SLC17A4: variants seen among roughly 807,000 people sequenced by gnomAD.
SLC17A4 encodes the protein solute carrier family 17 member 4, also known as probable small intestine urate exporter.
Under a neutral mutation model 52.5 loss-of-function variants are expected in SLC17A4, and 33 were observed. The observed-to-expected ratio is 0.63, with a 90% CI of 0.48 to 0.84. SLC17A4 has a LOEUF of 0.84. SLC17A4 is among the 40% of genes least tolerant of loss of function. The pLI is 0.00. For missense variants in SLC17A4, 585 were observed against 597.1 expected, an observed-to-expected ratio of 0.98 and a Z score of 0.21; for synonymous variants, 225 against 216.2, an observed-to-expected ratio of 1.04 and a Z score of -0.36.
At chr6:25,772,234 T>A (rs572141284) in intron 6 of SLC17A4, among the ~76,000 whole-genome samples, 1 of 152,276 alleles carries the variant, frequency 6.6e-6, no homozygotes, top group South Asian at 2.1e-4. Context: ...CAAGAAACAG[T>A]AAGGAGCATA....
intron 2 of SLC17A4, among the ~76,000 whole-genome samples, chr6:25,765,907 G>T (rs1242936433): frequency 6.6e-6 from 1 of 151,938 alleles, no homozygotes; most frequent in African/African-American, 2.4e-5. Flanking sequence ...TAAAAATGAT[G>T]CTACTCAAGG....
At chr6:25,765,650 A>T (rs1180382314) in intron 2 of SLC17A4, among the ~76,000 whole-genome samples, 2 of 152,178 alleles carry the variant, frequency 1.3e-5, no homozygotes, top group Non-Finnish European at 2.9e-5. Flanking sequence ...ACTAAGGAGG[A>T]AAAAAATGTC....
rs192823175 is a variant in SLC17A4 at position 25,781,120 on chromosome 6, G to A, written c.*1932G>A. ...AAAGTGGCATAAGAAAAGGAAGCTT[G>A]GGAATAAGCCTTAAAGAATTCCAGT... On this transcript the variant is annotated 3_prime_UTR_variant, in exon 12 of 12. Coordinates refer to ENST00000377905, the MANE Select transcript of SLC17A4 (RefSeq NM_005495.3). 18 of 151,932 alleles carry A rather than the reference G, an allele frequency of 1.2e-4. No homozygotes were observed. In the East Asian group the frequency reaches 3.5e-3, roughly 29 times the overall value. The allele number at this position is 151,932 out of a possible 1,614,324, so 9.4% of individuals were successfully genotyped here. A position where few individuals can be genotyped will look rare whatever the true frequency, so the allele number is the denominator to read the frequency against.
chr6:25,767,505 C>T (rs2151435550), intron 2 of SLC17A4, among the ~76,000 whole-genome samples: 1 of 152,198 alleles, frequency 6.6e-6, no homozygotes, highest in South Asian at 2.1e-4. Context: ...GAATACACAG[C>T]TATAAGTAGA....
At chr6:25,777,665 G>T in intron 10 of SLC17A4, 1 of 343,826 alleles carries the variant, frequency 2.9e-6, no homozygotes, top group Non-Finnish European at 5.3e-6. Flanking sequence ...AAACAATGTT[G>T]ACAAGTTAAT....
In SLC17A4 at chr6:25,780,022, G is replaced by T. The variant is rs1287952216; in HGVS notation, c.*834G>T. 1 of 152,170 alleles carries T rather than the reference G, an allele frequency of 6.6e-6. No homozygotes were observed. Among genetic ancestry groups the T allele is most frequent in the Non-Finnish European group, 1.5e-5 (1 of 68,028 alleles). The allele number at this position is 152,170 out of a possible 1,614,324, so 9.4% of individuals were successfully genotyped here. A position where few individuals can be genotyped will look rare whatever the true frequency, so the allele number is the denominator to read the frequency against. ...ACCATTCAGTAGGATTCAATTCAAT[G>T]TGGAACCATTCAACATTCACCTCAT... is the stretch of plus-strand genomic sequence containing the variant. On this transcript the variant is annotated 3_prime_UTR_variant, in exon 12 of 12. Transcript: ENST00000377905.
rs762377345 is a variant in SLC17A4, at chr6:25,761,919, T to C, written c.-36-8T>C. ...CCTGTATTTTCTTTTGTATTCTTTTTATTTCAGTAAGTAAATGCCAGTCCC... is the reference window on the plus strand; with the variant it reads ...CCTGTATTTTCTTTTGTATTCTTTTCATTTCAGTAAGTAAATGCCAGTCCC... On this transcript the variant is annotated splice_region_variant and splice_polypyrimidine_tract_variant and intron_variant, in intron 1 of 11. Transcript: ENST00000377905. 3 of 1,501,508 alleles carry C rather than the reference T, an allele frequency of 2.0e-6. No individual in the cohort carries two copies. The highest frequency in any genetic ancestry group is 2.8e-6 in the Non-Finnish European group (3 of 1,084,284). 93.0% of individuals were successfully genotyped at this position (1,501,508 alleles called of 1,614,324 possible).
chr6:25,777,732 T>C (rs372716981), intron 10 of SLC17A4, 194 bp from the exon 11 acceptor site: 2 of 556,636 alleles, frequency 3.6e-6, no homozygotes, highest in Non-Finnish European at 6.4e-6. Context: ...TAATCATTGG[T>C]CAGTACATTT....
chr6:25,777,269 A>T (rs3949215), intron 10 of SLC17A4: 264,285 of 289,088 alleles, frequency 0.91, 121,147 homozygotes, highest in East Asian at 0.99. Context: ...ACTGAAAGAA[A>T]TCTTGAGATT....
intron 1 of SLC17A4, among the ~76,000 whole-genome samples, chr6:25,758,545 C>A (rs1030336836): frequency 1.3e-5 from 2 of 152,134 alleles, no homozygotes; most frequent in Admixed American, 1.3e-4. Flanking sequence ...AGGAATTTAT[C>A]CATCTCCTCT....
Position 25,779,009 on chromosome 6 carries a change from C to T in SLC17A4, c.1360-45C>T, listed in dbSNP as rs1161720397. 3 of 1,606,376 alleles carry T rather than the reference C, an allele frequency of 1.9e-6. No individual in the cohort carries two copies. In the Admixed American group the frequency reaches 5.0e-5, roughly 27 times the overall value. ...CAAAGCCTTTCTGAACCAAGAGGGA[C>T]AGGAATTGGGTGACCGTTAATAACT... On this transcript the variant is annotated intron_variant, in intron 11 of 11. Transcript: ENST00000377905.
In SLC17A4 at chr6:25,768,903, C is replaced by G. The variant is rs1167092414; in HGVS notation, c.92-82C>G. On this transcript the variant is annotated intron_variant, in intron 2 of 11. Coordinates refer to ENST00000377905, the MANE Select transcript of SLC17A4 (RefSeq NM_005495.3). ...TATATTTCTGCATCTCAGACAGATA[C>G]CAATCTTCTCCTTCTTCCAGACTTA... 4.8e-6 allele frequency: 6 copies of G among 1,259,220 alleles called. No homozygotes were observed. The Admixed American group carries it at 7.2e-5, about 15-fold the overall frequency. The allele number at this position is 1,259,220 out of a possible 1,614,324, so 78.0% of individuals were successfully genotyped here. A position where few individuals can be genotyped will look rare whatever the true frequency, so the allele number is the denominator to read the frequency against.
rs1255561250 is a variant in SLC17A4 at position 25,779,251 on chromosome 6, T to C, written c.*63T>C. On this transcript the variant is annotated 3_prime_UTR_variant, in exon 12 of 12. Coordinates refer to ENST00000377905, the MANE Select transcript of SLC17A4 (RefSeq NM_005495.3). ...CATCATTGTTTTCCCTCACAGACAT[T>C]TCTCTTTCATGCCTGCTTGACTGAT... The C allele has an allele frequency of 1.3e-6, 2 of 1,595,582 alleles. No homozygotes were observed. Among genetic ancestry groups the C allele is most frequent in the Non-Finnish European group, 1.7e-6 (2 of 1,168,420 alleles).
At position 25,768,649 on chromosome 6, in the gene SLC17A4, C is replaced by T. The variant is rs144221338; in HGVS notation, c.92-336C>T. Among the ~76,000 whole-genome samples the T allele has an allele frequency of 4.1e-3, 618 of 152,244 alleles. 1 individual carries two copies. Among genetic ancestry groups the T allele is most frequent in the Non-Finnish European group, 5.4e-3 (368 of 68,020 alleles). On this transcript the variant is annotated intron_variant, in intron 2 of 11. Transcript: ENST00000377905. The stretch of plus-strand genomic sequence containing the variant: ...CTCTCTCTCACTGTCCATACCCAAT[C>T]GGTCACTGCTCCCAGCCAATTCTTT...
chr6:25,770,138 G>A lies in SLC17A4; in HGVS notation c.369G>A (p.Leu123=). 1 of 1,613,936 alleles carries A rather than the reference G, an allele frequency of 6.2e-7. No homozygotes were observed. Residue 123 remains leucine (L), a synonymous_variant, in exon 4 of 12, where the codon TTG becomes TTA. Coordinates refer to ENST00000377905, the MANE Select transcript of SLC17A4 (RefSeq NM_005495.3). ...GCTCCCTCAACTATGGCTCATTCTTGGCTCCAATCCCCAGTGGCTATGTGG... is the reference window on the plus strand; with the variant it reads ...GCTCCCTCAACTATGGCTCATTCTTAGCTCCAATCCCCAGTGGCTATGTGG... ...ILSSLNYGSF[L]APIPSGYVAG...
chr6:25,764,182 C>T (rs1479595749), intron 2 of SLC17A4, among the ~76,000 whole-genome samples: 1 of 152,154 alleles, frequency 6.6e-6, no homozygotes, highest in East Asian at 1.9e-4. Context: ...TTGAGTTCGG[C>T]CTGCCACCTT....
chr6:25,759,075 G>A (rs1761295289), intron 1 of SLC17A4, among the ~76,000 whole-genome samples: 1 of 152,098 alleles, frequency 6.6e-6, no homozygotes, highest in East Asian at 1.9e-4. Context: ...TTTAGGAGCA[G>A]CTTATTTAAT....
At position 25,780,446 on chromosome 6, in the gene SLC17A4, A is replaced by G. The variant is rs996715198; in HGVS notation, c.*1258A>G. 1 of 152,254 alleles carries G rather than the reference A, an allele frequency of 6.6e-6. No homozygotes were observed. Among genetic ancestry groups the G allele is most frequent in the Non-Finnish European group, 1.5e-5 (1 of 68,056 alleles). 9.4% of individuals were successfully genotyped at this position (152,254 alleles called of 1,614,324 possible). On this transcript the variant is annotated 3_prime_UTR_variant, in exon 12 of 12. Transcript: ENST00000377905. ...CAGCTGAGCTGGGATCTGAAGGATA[A>G]TAGTTAACTGTTGTGGGAGACTGAG...
chr6:25,774,733 A>G (rs1762755892), intron 8 of SLC17A4, among the ~76,000 whole-genome samples: 1 of 152,170 alleles, frequency 6.6e-6, no homozygotes, highest in South Asian at 2.1e-4. Context: ...GGAAGAGGAA[A>G]ATGGGAAAAT....
Sources: allele counts gnomAD v4.1 joint callset (sites outside exome capture counted in the v4.1 genomes callset), GRCh38; gene constraint gnomAD v4.1.1; transcripts MANE v1.5; gene names NCBI Gene and HGNC (gene_info 2026-07-23, HGNC 2026-07-21).